Variants in CWF19L2 observed in about 807,000 individuals in gnomAD.
CWF19L2 encodes the protein CWF19 like cell cycle control factor 2, also known as CWF19-like protein 2.
CWF19L2 carries 98 observed loss-of-function variants against 111.7 expected under a neutral mutation model. That is an observed-to-expected ratio of 0.88 (90% CI 0.75 to 1.04). The LOEUF is 1.04. CWF19L2 is among the 50% of genes least tolerant of loss of function. The pLI is 0.00. For synonymous variants in CWF19L2, 351 were observed against 342.9 expected (o/e 1.02, Z -0.26); for missense variants, 1,101 against 1,051.4 (o/e 1.05, Z -0.65).
chr11:107,382,436 CAA>C (rs1860700767), intron 12 of CWF19L2, among the ~76,000 whole-genome samples: 1 of 152,130 alleles, frequency 6.6e-6, no homozygotes, highest in South Asian at 2.1e-4. Flanking sequence ...TTAATTCTCT[CAA>C]AGTCTCAGTT....
chr11:107,362,167 G>A (rs187102007), intron 12 of CWF19L2, among the ~76,000 whole-genome samples: 5,231 of 150,988 alleles, frequency 0.035, 117 homozygotes, highest in Middle Eastern at 0.051. Flanking sequence ...TGGCTCGGAG[G>A]GTCCTACGCC....
rs375132996 is a variant in CWF19L2 at position 107,439,035 on chromosome 11, GAAAAAAAA to G, written c.664+47_664+54del. ...GGCTGACAGAGCGAGACTCTGTCTC[GAAAAAAAA>G]AAAAAAAAAAAAACCCTGTGTGTCT... On this transcript the variant is annotated intron_variant, in intron 6 of 17. Coordinates refer to ENST00000282251, the MANE Select transcript of CWF19L2 (RefSeq NM_152434.3). 9 of 292,192 alleles carry G rather than the reference GAAAAAAAA, an allele frequency of 3.1e-5. No individual in the cohort carries two copies. The Admixed American group carries it at 4.3e-4, about 14-fold the overall frequency. 18.1% of individuals were successfully genotyped at this position (292,192 alleles called of 1,614,324 possible).
intron 12 of CWF19L2, among the ~76,000 whole-genome samples, chr11:107,359,277 T>G (rs909069913): frequency 2.6e-5 from 4 of 152,170 alleles, no homozygotes; most frequent in Admixed American, 1.3e-4. Flanking sequence ...AATAGATACT[T>G]TGGATATGGA....
chr11:107,416,856 C>G (rs983787644), intron 9 of CWF19L2, among the ~76,000 whole-genome samples: 7 of 152,186 alleles, frequency 4.6e-5, no homozygotes, highest in African/African-American at 1.7e-4. Context: ...TTCTTGAACA[C>G]AAGAACACAT....
intron 11 of CWF19L2, among the ~76,000 whole-genome samples, chr11:107,392,012 A>G (rs58553135): frequency 0.017 from 2,660 of 152,274 alleles, 60 homozygotes; most frequent in African/African-American, 0.059. Flanking sequence ...ACCATTTCAT[A>G]TAAATCAGAC....
At chr11:107,441,403 AT>A in intron 5 of CWF19L2, 99 bp downstream of exon 5, 9 of 1,017,814 alleles carry the variant, frequency 8.8e-6, no homozygotes, top group Non-Finnish European at 1.2e-5. Flanking sequence ...ACTATAAAAA[AT>A]AAAATGGTAT....
chr11:107,426,203 T>C (rs1252681455), intron 8 of CWF19L2, among the ~76,000 whole-genome samples: 1 of 151,514 alleles, frequency 6.6e-6, no homozygotes, highest in Non-Finnish European at 1.5e-5. Context: ...GGGCAAAACA[T>C]ATGACTAGTT....
At chr11:107,437,618 T>C (rs772405751) in intron 6 of CWF19L2, among the ~76,000 whole-genome samples, 2 of 152,122 alleles carry the variant, frequency 1.3e-5, no homozygotes, top group Admixed American at 1.3e-4. Context: ...AAAGAAGTGG[T>C]AAAAGCATGA....
chr11:107,352,250 G>A (rs1166069201), intron 13 of CWF19L2, among the ~76,000 whole-genome samples: 2 of 148,008 alleles, frequency 1.4e-5, no homozygotes, highest in Non-Finnish European at 3.0e-5. Context: ...ATAACTCCAC[G>A]GTAACCTAAA....
chr11:107,329,906 T>C lies in CWF19L2; in HGVS notation c.2541+12A>G, dbSNP rs1459397741. 1.5e-5 allele frequency: 23 copies of C among 1,532,730 alleles called. No individual in the cohort carries two copies. Among genetic ancestry groups the C allele is most frequent in the Non-Finnish European group, 2.0e-5 (23 of 1,140,826 alleles). The allele number at this position is 1,532,730 out of a possible 1,614,324, so 94.9% of individuals were successfully genotyped here. On this transcript the variant is annotated intron_variant, in intron 17 of 17. Coordinates refer to ENST00000282251, the MANE Select transcript of CWF19L2 (RefSeq NM_152434.3). The stretch of plus-strand genomic sequence containing the variant: ...TGCTAACTCTGGGATTTTATCAAAT[T>C]TGTAAGCCTACCTTTCCAAAGTAAT...
intron 6 of CWF19L2, 131 bp from the exon 7 acceptor site, chr11:107,433,880 T>TTATTTA (rs1328459601): frequency 8.2e-5 from 10 of 122,138 alleles, no homozygotes; most frequent in African/African-American, 3.1e-4. Flanking sequence ...CTTTGGAATT[T>TTATTTA]TATATATATA....
At chr11:107,398,668 C>T (rs1405579174) in intron 10 of CWF19L2, among the ~76,000 whole-genome samples, 2 of 152,150 alleles carry the variant, frequency 1.3e-5, no homozygotes, top group African/African-American at 4.8e-5. Context: ...CAGCCAAATA[C>T]AAGAAGCACA....
chr11:107,400,866 C>T (rs1860989124), intron 10 of CWF19L2, among the ~76,000 whole-genome samples: 1 of 152,120 alleles, frequency 6.6e-6, no homozygotes, highest in African/African-American at 2.4e-5. Flanking sequence ...GATAATCCAC[C>T]ATGATCAAGT....
rs1860558937 is a variant in CWF19L2, at chr11:107,374,118, T to C, written c.1872+15956A>G. Among the ~76,000 whole-genome samples, 2 of 135,250 alleles carry C rather than the reference T, an allele frequency of 1.5e-5. 1 individual carries two copies. 88.7% of individuals were successfully genotyped at this position (135,250 alleles called of 152,430 possible). On this transcript the variant is annotated intron_variant, in intron 12 of 17. Transcript: ENST00000282251. ...AAAGCCTCCAAGAAATATGGGACTA[T>C]GTGAAAAGACCAAATCTACGTCGGA...
intron 8 of CWF19L2, among the ~76,000 whole-genome samples, chr11:107,421,668 T>A (rs547343617): frequency 7.9e-5 from 12 of 152,176 alleles, no homozygotes; most frequent in African/African-American, 2.9e-4. Flanking sequence ...CCACTACACA[T>A]CCGCTAGAAG....
At chr11:107,359,976 T>G (rs1303141717) in intron 12 of CWF19L2, among the ~76,000 whole-genome samples, 2 of 152,260 alleles carry the variant, frequency 1.3e-5, no homozygotes, top group Non-Finnish European at 2.9e-5. Flanking sequence ...TAGGAGATCC[T>G]TGAGGGTGCC....
At chr11:107,405,548 A>G (rs1340678793) in intron 10 of CWF19L2, among the ~76,000 whole-genome samples, 1 of 140,210 alleles carries the variant, frequency 7.1e-6, no homozygotes, top group Non-Finnish European at 1.6e-5. Context: ...TCAGGCCATG[A>G]TGAACTAACA....
At chr11:107,416,123 A>T in intron 10 of CWF19L2, 86 bp downstream of exon 10, 1 of 330,276 alleles carries the variant, frequency 3.0e-6, no homozygotes, top group Non-Finnish European at 5.2e-6. Flanking sequence ...TAAAATAAAA[A>T]ATAAAATAAA....
rs1290381762 is a variant in CWF19L2 at position 107,373,954 on chromosome 11, C to A, written c.1872+16120G>T. ...GCTGATGGAGCTGAAAACCAAGGCTCGAGAACTACGTGAAGAATGCAGAAG... is the reference window on the plus strand; with the variant it reads ...GCTGATGGAGCTGAAAACCAAGGCTAGAGAACTACGTGAAGAATGCAGAAG... On this transcript the variant is annotated intron_variant, in intron 12 of 17. Transcript: ENST00000282251. Among the ~76,000 whole-genome samples, 11 of 135,496 alleles carry A rather than the reference C, an allele frequency of 8.1e-5. 1 individual carries two copies. The highest frequency in any genetic ancestry group is 7.9e-4 in the Admixed American group (11 of 13,886). 88.9% of individuals were successfully genotyped at this position (135,496 alleles called of 152,430 possible).
Sources: gnomAD v4.1 joint callset for allele counts (sites outside exome capture counted in the v4.1 genomes callset) on GRCh38, gnomAD v4.1.1 for gene constraint, MANE v1.5 for transcripts, NCBI Gene and HGNC (gene_info 2026-07-23, HGNC 2026-07-21) for gene names.